Variants in TAF4 observed in about 807,000 individuals in gnomAD.
The protein encoded by TAF4 is TATA-box binding protein associated factor 4.
Under a neutral mutation model 90.3 loss-of-function variants are expected in TAF4, and 9 were observed. That is an observed-to-expected ratio of 0.10 (90% CI 0.06 to 0.17). TAF4 has a LOEUF of 0.17. TAF4 is among the 10% of genes least tolerant of loss of function. TAF4 has a pLI of 1.00. For missense variants in TAF4, 1,351 were observed against 1,370.7 expected, an observed-to-expected ratio of 0.99 and a Z score of 0.23; for synonymous variants, 818 against 638.9, an observed-to-expected ratio of 1.28 and a Z score of -4.23.
At chr20:62,017,044 G>A (rs2055815918) in intron 1 of TAF4, among the ~76,000 whole-genome samples, 1 of 152,022 alleles carries the variant, frequency 6.6e-6, no homozygotes, top group South Asian at 2.1e-4. Context: ...GGGAGGCTAG[G>A]GTGGGAGGAT....
chr20:62,035,605 T>C (rs1380506847), intron 1 of TAF4, among the ~76,000 whole-genome samples: 1 of 152,170 alleles, frequency 6.6e-6, no homozygotes, highest in African/African-American at 2.4e-5. Context: ...GCTATCATTT[T>C]AGAAGAAAAT....
intron 9 of TAF4, among the ~76,000 whole-genome samples, chr20:62,001,669 T>C (rs562157933): frequency 6.6e-6 from 1 of 152,094 alleles, no homozygotes; most frequent in Non-Finnish European, 1.5e-5. Context: ...TTGGCATCCC[T>C]GGTGGTCACG....
intron 1 of TAF4, among the ~76,000 whole-genome samples, chr20:62,020,408 G>A (rs2055836326): frequency 6.6e-6 from 1 of 152,228 alleles, no homozygotes; most frequent in African/African-American, 2.4e-5. Context: ...AGCCCACGGG[G>A]ACACAAGGTC....
chr20:62,028,595 C>A (rs906908387), intron 1 of TAF4, among the ~76,000 whole-genome samples: 4 of 152,098 alleles, frequency 2.6e-5, no homozygotes, highest in Non-Finnish European at 4.4e-5. Flanking sequence ...AAATTCTTAG[C>A]ACATGGACAC....
intron 1 of TAF4, among the ~76,000 whole-genome samples, chr20:62,023,593 CA>C (rs1473337375): frequency 6.6e-6 from 1 of 151,356 alleles, no homozygotes; most frequent in Non-Finnish European, 1.5e-5. Context: ...ACTAAAAATA[CA>C]AAAATTAGCT....
At chr20:62,012,361 A>G (rs1321763339) in intron 3 of TAF4, 1 of 152,832 alleles carries the variant, frequency 6.5e-6, no homozygotes, top group Non-Finnish European at 1.5e-5. Context: ...GGGTGCGGTG[A>G]AAGTTACGGT....
chr20:62,056,910 C>T (rs992112095), intron 1 of TAF4, among the ~76,000 whole-genome samples: 8 of 152,212 alleles, frequency 5.3e-5, no homozygotes, highest in African/African-American at 1.9e-4. Context: ...CCGTGTCACC[C>T]TTGTTCCTGT....
chr20:62,064,381 G>A (rs945845988), intron 1 of TAF4, 70 bp downstream of exon 1: 6 of 1,272,080 alleles, frequency 4.7e-6, no homozygotes, highest in South Asian at 2.5e-5. Context: ...CACCAGCGGA[G>A]AACTTCCTGG....
At chr20:62,041,409 A>G (rs1366933237) in intron 1 of TAF4, among the ~76,000 whole-genome samples, 3 of 152,130 alleles carry the variant, frequency 2.0e-5, no homozygotes, top group East Asian at 1.9e-4. Flanking sequence ...GACGGCATAC[A>G]TGACGCTGGT....
intron 1 of TAF4, among the ~76,000 whole-genome samples, chr20:62,051,222 G>A (rs2056025488): frequency 6.6e-6 from 1 of 152,150 alleles, no homozygotes; most frequent in African/African-American, 2.4e-5. Flanking sequence ...CCTTGGGAGG[G>A]TTCCAGCGAG....
At chr20:62,022,270 G>A (rs1234739100) in intron 1 of TAF4, among the ~76,000 whole-genome samples, 1 of 152,198 alleles carries the variant, frequency 6.6e-6, no homozygotes, top group East Asian at 1.9e-4. Flanking sequence ...CCCAAGCATG[G>A]AGAGGTGGGA....
chr20:61,976,084 T>C lies in TAF4; in HGVS notation c.*84A>G. On this transcript the variant is annotated 3_prime_UTR_variant, in exon 15 of 15. Coordinates refer to ENST00000252996, the MANE Select transcript of TAF4 (RefSeq NM_003185.4). Reference sequence around the variant, plus strand: ...AACTGTTCCATTGTAAAGAGGTGGCTGTTTTTTAAACAATATCCCATTTGC... The same window carrying C: ...AACTGTTCCATTGTAAAGAGGTGGCCGTTTTTTAAACAATATCCCATTTGC... The C allele has an allele frequency of 6.9e-7, 1 of 1,445,430 alleles. No homozygotes were observed. Among genetic ancestry groups the C allele is most frequent in the Non-Finnish European group, 9.6e-7 (1 of 1,037,350 alleles). 89.5% of individuals were successfully genotyped at this position (1,445,430 alleles called of 1,614,324 possible).
chr20:62,046,906 C>T lies in TAF4; in HGVS notation c.1360+17545G>A, dbSNP rs78543038. On this transcript the variant is annotated intron_variant, in intron 1 of 14. Transcript: ENST00000252996. ...TTCAAACCTTCTGCCCATTTTTAAC[C>T]GTTGTTTGTCGTCTTGTTATTTAGT... 6.2e-3 allele frequency among the ~76,000 whole-genome samples: 945 copies of T among 152,246 alleles called. 10 individuals are homozygous for T. Among genetic ancestry groups the T allele is most frequent in the African/African-American group, 0.022 (894 of 41,534 alleles).
chr20:62,052,444 T>C (rs903720167), intron 1 of TAF4, among the ~76,000 whole-genome samples: 7 of 152,048 alleles, frequency 4.6e-5, no homozygotes, highest in Non-Finnish European at 8.8e-5. Flanking sequence ...CACTGCCATC[T>C]GGAACCAGCC....
At chr20:62,022,769 T>C (rs1401872243) in intron 1 of TAF4, among the ~76,000 whole-genome samples, 2 of 152,202 alleles carry the variant, frequency 1.3e-5, no homozygotes, top group Admixed American at 6.5e-5. Flanking sequence ...CAGGGGAACA[T>C]GTGCTGCCCG....
intron 1 of TAF4, among the ~76,000 whole-genome samples, chr20:62,041,152 C>T (rs2145502764): frequency 6.6e-6 from 1 of 152,342 alleles, no homozygotes; most frequent in South Asian, 2.1e-4. Flanking sequence ...CCAGAGAACA[C>T]CTTCCCGTCC....
At position 62,065,540 on chromosome 20, in the gene TAF4, G is replaced by A; in HGVS notation, c.271C>T (p.Pro91Ser). ...GAPGAAPEPP[P>S]AGRARPGGGG... Reference sequence around the variant, plus strand: ...CCCCCCGGCCGCGCTCTACCTGCGGGGGGCGGCTCCGGCGCCGCTCCGGGC... The same window carrying A: ...CCCCCCGGCCGCGCTCTACCTGCGGAGGGCGGCTCCGGCGCCGCTCCGGGC... The change falls in exon 1 of 15, where the codon CCC (proline) becomes TCC (serine). Residue 91 changes from proline to serine, a missense_variant. Pro to Ser is a moderately conservative substitution (Grantham distance 74). Transcript: ENST00000252996. 2 of 978,240 alleles carry A rather than the reference G, an allele frequency of 2.0e-6. No individual in the cohort carries two copies. The highest frequency in any genetic ancestry group is 2.4e-6 in the Non-Finnish European group (2 of 826,904). The allele number at this position is 978,240 out of a possible 1,614,324, so 60.6% of individuals were successfully genotyped here. A position where few individuals can be genotyped will look rare whatever the true frequency, so the allele number is the denominator to read the frequency against.
At chr20:62,003,381 C>A in intron 8 of TAF4, 107 bp from the exon 9 acceptor site, 1 of 920,410 alleles carries the variant, frequency 1.1e-6, no homozygotes, top group Non-Finnish European at 1.7e-6. Context: ...TCCTAATTAG[C>A]TACAAGAAAG....
rs1310373504 is a variant in TAF4 at position 62,065,162 on chromosome 20, G to A, written c.649C>T (p.Leu217=). ...SHHAAAPAVS[L]VNNGPAALLP... ...AGCGCGGCGGGCCCGTTGTTGACCA[G>A]GCTGACAGCAGGTGCGGCGGCGTGG... is the stretch of plus-strand genomic sequence containing the variant. Residue 217 remains leucine, a synonymous_variant, in exon 1 of 15, where the codon CTG becomes TTG. Transcript: ENST00000252996. 3.3e-6 allele frequency: 4 copies of A among 1,214,154 alleles called. No individual in the cohort carries two copies. The highest frequency in any genetic ancestry group is 2.7e-5 in the Admixed American group (1 of 37,402). The allele number at this position is 1,214,154 out of a possible 1,614,324, so 75.2% of individuals were successfully genotyped here.
Sources: allele counts gnomAD v4.1 joint callset (sites outside exome capture counted in the v4.1 genomes callset), GRCh38; gene constraint gnomAD v4.1.1; transcripts MANE v1.5; gene names NCBI Gene and HGNC (gene_info 2026-07-23, HGNC 2026-07-21).